OPCML: variants seen among roughly 807,000 people sequenced by gnomAD.
OPCML encodes opioid binding protein/cell adhesion molecule like.
OPCML carries 13 observed loss-of-function variants against 37.8 expected under a neutral mutation model. That is an observed-to-expected ratio of 0.34 (90% CI 0.22 to 0.55). The LOEUF is 0.55. Ranked by LOEUF, OPCML falls within the 20% of genes least tolerant of loss-of-function variation. OPCML has a pLI of 0.91. For synonymous variants in OPCML, 176 were observed against 168.8 expected, an observed-to-expected ratio of 1.04 and a Z score of -0.33; for missense variants, 341 against 435.6, an observed-to-expected ratio of 0.78 and a Z score of 1.93.
At chr11:133,459,885 T>TA (rs1360849989) in intron 1 of OPCML, among the ~76,000 whole-genome samples, 2 of 152,016 alleles carry the variant, frequency 1.3e-5, no homozygotes, top group Non-Finnish European at 2.9e-5. Flanking sequence ...GACACACATA[T>TA]ACTTAACACT....
intron 1 of OPCML, among the ~76,000 whole-genome samples, chr11:133,497,024 G>C (rs2120498649): frequency 6.6e-6 from 1 of 152,226 alleles, no homozygotes; most frequent in Middle Eastern, 3.4e-3. Context: ...TCAGTATTAT[G>C]TTGGCTGTGC....
chr11:133,412,774 T>A (rs1945677300), intron 1 of OPCML, among the ~76,000 whole-genome samples: 1 of 152,210 alleles, frequency 6.6e-6, no homozygotes, highest in South Asian at 2.1e-4. Flanking sequence ...GCCAAGAAAG[T>A]GTGCCTGGAA....
intron 1 of OPCML, among the ~76,000 whole-genome samples, chr11:133,138,389 T>C (rs1949722275): frequency 6.6e-6 from 1 of 152,206 alleles, no homozygotes; most frequent in Non-Finnish European, 1.5e-5. Context: ...GGGGTACCTC[T>C]GTTCAATCAA....
chr11:132,703,973 A>G (rs1049599295), intron 2 of OPCML, among the ~76,000 whole-genome samples: 1 of 152,180 alleles, frequency 6.6e-6, no homozygotes, highest in African/African-American at 2.4e-5. Flanking sequence ...GGCTGAGACC[A>G]TGGTGGATGA....
chr11:132,435,962 T>C (rs1159138501), intron 7 of OPCML, 124 bp downstream of exon 7: 2 of 854,916 alleles, frequency 2.3e-6, no homozygotes, highest in Non-Finnish European at 3.5e-6. Context: ...ATGTCTTATC[T>C]ACAGGTGGTG....
chr11:133,195,960 C>T (rs886914322), intron 1 of OPCML, among the ~76,000 whole-genome samples: 2 of 152,170 alleles, frequency 1.3e-5, no homozygotes, highest in Non-Finnish European at 2.9e-5. Flanking sequence ...ATTCCAAATG[C>T]TTCCTTGAGC....
At chr11:132,464,155 G>T (rs774961257) in intron 4 of OPCML, among the ~76,000 whole-genome samples, 2 of 152,010 alleles carry the variant, frequency 1.3e-5, no homozygotes. Context: ...CCCTCCAAAG[G>T]CCTCTGCAGC....
chr11:133,054,867 C>G (rs903388354), intron 1 of OPCML, among the ~76,000 whole-genome samples: 1 of 151,868 alleles, frequency 6.6e-6, no homozygotes, highest in Non-Finnish European at 1.5e-5. Context: ...CTGTACAATG[C>G]TGCCTCCATG....
At chr11:132,678,790 A>G (rs544645428) in intron 2 of OPCML, among the ~76,000 whole-genome samples, 1 of 152,286 alleles carries the variant, frequency 6.6e-6, no homozygotes, top group Admixed American at 6.5e-5. Flanking sequence ...TCTGTATAAT[A>G]CTAGCGTGGT....
At chr11:133,475,820 G>T (rs1293952128) in intron 1 of OPCML, among the ~76,000 whole-genome samples, 1 of 152,226 alleles carries the variant, frequency 6.6e-6, no homozygotes, top group African/African-American at 2.4e-5. Flanking sequence ...TAAACTGAGT[G>T]TCTCCCCTGA....
intron 1 of OPCML, among the ~76,000 whole-genome samples, chr11:133,175,265 T>C (rs143593478): frequency 1.3e-5 from 2 of 152,148 alleles, no homozygotes; most frequent in African/African-American, 2.4e-5. Flanking sequence ...GAGGCAACAA[T>C]CAGAAAGGAT....
intron 2 of OPCML, among the ~76,000 whole-genome samples, chr11:132,797,488 G>A (rs773000006): frequency 6.6e-5 from 10 of 152,164 alleles, no homozygotes; most frequent in Non-Finnish European, 1.0e-4. Context: ...AATCCTGTAG[G>A]TTCAGTTCCA....
chr11:132,796,565 C>CTTTTTTTTTTTTTTTTTTTTTTTTTTTTT (rs71067396), intron 2 of OPCML, among the ~76,000 whole-genome samples: 1 of 88,558 alleles, frequency 1.1e-5, no homozygotes. Flanking sequence ...TTTCTTCTTT[C>CTTTTTTTTTTTTTTTTTTTTTTTTTTTTT]TTTTTTTTTT....
intron 1 of OPCML, among the ~76,000 whole-genome samples, chr11:133,352,873 C>A (rs1592225814): frequency 6.6e-6 from 1 of 152,130 alleles, no homozygotes; most frequent in African/African-American, 2.4e-5. Context: ...AACTTCATGA[C>A]CTTGGGACAA....
intron 4 of OPCML, among the ~76,000 whole-genome samples, chr11:132,485,463 G>C (rs529926888): frequency 6.6e-6 from 1 of 152,290 alleles, no homozygotes; most frequent in East Asian, 1.9e-4. Flanking sequence ...GAACACTCAA[G>C]TAGCTACCTC....
chr11:133,010,012 C>A (rs185002245), intron 1 of OPCML, among the ~76,000 whole-genome samples: 1 of 152,162 alleles, frequency 6.6e-6, no homozygotes, highest in Non-Finnish European at 1.5e-5. Context: ...CTCGCCTCCC[C>A]CTAGTCCCTT....
At chr11:132,654,762 T>A (rs1374693199) in intron 3 of OPCML, among the ~76,000 whole-genome samples, 1 of 151,720 alleles carries the variant, frequency 6.6e-6, no homozygotes, top group African/African-American at 2.4e-5. Flanking sequence ...GATAAGCTCC[T>A]CCCCAAGAGA....
chr11:133,496,732 A>AT (rs886456292), intron 1 of OPCML, among the ~76,000 whole-genome samples: 1 of 152,204 alleles, frequency 6.6e-6, no homozygotes, highest in African/African-American at 2.4e-5. Context: ...AGAGCTACTG[A>AT]TTTGTGTACA....
chr11:132,979,727 T>C (rs1340464388), intron 1 of OPCML, among the ~76,000 whole-genome samples: 5 of 152,220 alleles, frequency 3.3e-5, no homozygotes, highest in East Asian at 1.9e-4. Context: ...GCTGGGAAAG[T>C]AGACTTGGTG....
Sources: gnomAD v4.1 joint callset for allele counts (sites outside exome capture counted in the v4.1 genomes callset) on GRCh38, gnomAD v4.1.1 for gene constraint, MANE v1.5 for transcripts, NCBI Gene and HGNC (gene_info 2026-07-23, HGNC 2026-07-21) for gene names.